Variants in KRABD4 observed in about 807,000 individuals in gnomAD.
KRABD4 encodes KRAB domain containing 4.
At chrX:46,471,129 G>A in the KRABD4 span, 1 of 1,160,872 alleles carries the variant, frequency 8.6e-7, no homozygotes, top group Non-Finnish European at 1.1e-6. Flanking sequence ...GGATTTGTCT[G>A]TTTCTCTTTC....
the KRABD4 span, chrX:46,473,660 T>A: frequency 1.3e-5 from 3 of 237,430 alleles, no homozygotes; most frequent in African/African-American, 8.8e-5. Flanking sequence ...TGAATCTTTT[T>A]TTTTTTTTTT....
At chrX:46,473,201 A>G in the KRABD4 span, 275 of 1,176,535 alleles carry the variant, frequency 2.3e-4, no homozygotes, top group Non-Finnish European at 3.0e-4. Flanking sequence ...GTGTTTATCC[A>G]GAAAGCAAAC....
chrX:46,456,521 C>G, the KRABD4 span: 1 of 205,798 alleles, frequency 4.9e-6, no homozygotes, highest in African/African-American at 3.1e-5. Flanking sequence ...CCATATCTTC[C>G]AAGTGAACAT....
chrX:46,456,356 A>G, the KRABD4 span: 1 of 108,247 alleles, frequency 9.2e-6, no homozygotes, highest in African/African-American at 3.3e-5. Context: ...TTAATAATTT[A>G]TTATTAATCA....
the KRABD4 span, among the ~76,000 whole-genome samples, chrX:46,466,462 C>T: frequency 8.9e-6 from 1 of 112,000 alleles, no homozygotes; most frequent in Non-Finnish European, 1.9e-5. Flanking sequence ...ATTCCTCTGT[C>T]CTTCCATCAA....
the KRABD4 span, chrX:46,462,696 C>A: frequency 8.3e-7 from 1 of 1,210,633 alleles, no homozygotes; most frequent in Non-Finnish European, 1.1e-6. Context: ...GATGCCATGT[C>A]CCAGTGCCCC....
chrX:46,467,479 C>T, the KRABD4 span, among the ~76,000 whole-genome samples: 1 of 110,773 alleles, frequency 9.0e-6, no homozygotes, highest in African/African-American at 3.3e-5. Context: ...TGCTTGAACC[C>T]AGGAGGTGGA....
the KRABD4 span, chrX:46,463,396 A>G: frequency 2.6e-5 from 21 of 802,548 alleles, no homozygotes; most frequent in Non-Finnish European, 3.8e-5. Flanking sequence ...AGAGCCTCGG[A>G]CTTGTGGACA....
At chrX:46,463,402 G>A in the KRABD4 span, 1 of 774,403 alleles carries the variant, frequency 1.3e-6, no homozygotes. Context: ...TCGGACTTGT[G>A]GACATGCCTA....
At chrX:46,462,220 A>C in the KRABD4 span, among the ~76,000 whole-genome samples, 2 of 112,427 alleles carry the variant, frequency 1.8e-5, no homozygotes, top group Admixed American at 1.9e-4. Context: ...CAATTATATG[A>C]GAAAGGCCAG....
At chrX:46,455,379 G>A in the KRABD4 span, 1 of 476,280 alleles carries the variant, frequency 2.1e-6, no homozygotes, top group Non-Finnish European at 3.8e-6. Context: ...CCTCCTCAGG[G>A]AGTGGATCTT....
chrX:46,457,623 G>GTTTTTTTT, the KRABD4 span, among the ~76,000 whole-genome samples: 11 of 75,289 alleles, frequency 1.5e-4, no homozygotes, highest in African/African-American at 2.9e-4. Flanking sequence ...GCCTTTCAGA[G>GTTTTTTTT]TTTTTTTTTT....
the KRABD4 span, among the ~76,000 whole-genome samples, chrX:46,458,582 A>G: frequency 8.9e-6 from 1 of 112,502 alleles, no homozygotes; most frequent in African/African-American, 3.2e-5. Context: ...CTTTGAAAAG[A>G]TAGATAAGAG....
At chrX:46,456,793 G>A in the KRABD4 span, 1 of 356,762 alleles carries the variant, frequency 2.8e-6, no homozygotes, top group Admixed American at 4.6e-5. Context: ...GAATCAAGTA[G>A]CTCAGTGAGC....
the KRABD4 span, among the ~76,000 whole-genome samples, chrX:46,466,234 TCTC>T: frequency 8.9e-6 from 1 of 112,280 alleles, no homozygotes. Flanking sequence ...TTTATTGATT[TCTC>T]CTTTTACTTT....
the KRABD4 span, chrX:46,473,078 G>A: frequency 8.3e-7 from 1 of 1,200,910 alleles, no homozygotes; most frequent in Non-Finnish European, 1.1e-6. Flanking sequence ...CCTGCAGAGA[G>A]ATTTTTTGAC....
chrX:46,465,436 C>T, the KRABD4 span, among the ~76,000 whole-genome samples: 1 of 112,994 alleles, frequency 8.9e-6, no homozygotes, highest in South Asian at 3.6e-4. Context: ...CTAGCTATCA[C>T]TGTGTACACA....
At chrX:46,456,932 G>A in the KRABD4 span, 1 of 278,265 alleles carries the variant, frequency 3.6e-6, no homozygotes, top group Admixed American at 6.1e-5. Flanking sequence ...AACTTCTGGT[G>A]GTTTTAGCCA....
the KRABD4 span, among the ~76,000 whole-genome samples, chrX:46,453,235 G>T: frequency 8.9e-6 from 1 of 111,990 alleles, no homozygotes; most frequent in Non-Finnish European, 1.9e-5. Flanking sequence ...GATTCTGTGA[G>T]TTGAGATTAT....
Sources: gnomAD v4.1 joint callset for allele counts (sites outside exome capture counted in the v4.1 genomes callset) on GRCh38, gnomAD v4.1.1 for gene constraint, MANE v1.5 for transcripts, NCBI Gene and HGNC (gene_info 2026-07-23, HGNC 2026-07-21) for gene names.